The following SPAG9 variants were observed in gnomAD, a reference collection of about 807,000 sequenced individuals.
The protein encoded by SPAG9 is sperm associated antigen 9, also known as C-Jun-amino-terminal kinase-interacting protein 4.
A neutral mutation model predicts 166.5 loss-of-function variants in SPAG9; 35 were observed. The ratio of observed to expected loss-of-function variants is 0.21; its 90% CI spans 0.16 to 0.28. The LOEUF is 0.28. Ranked by LOEUF, SPAG9 falls within the 10% of genes least tolerant of loss-of-function variation. The pLI is 1.00. For missense variants in SPAG9, 1,235 were observed against 1,603.3 expected, an observed-to-expected ratio of 0.77 and a Z score of 3.92; for synonymous variants, 534 against 565.5, an observed-to-expected ratio of 0.94 and a Z score of 0.79.
Position 51,017,545 on chromosome 17 carries a change from A to G in SPAG9, c.1091+2614T>C, listed in dbSNP as rs527704149. On this transcript the variant is annotated intron_variant, in intron 8 of 29. Transcript: ENST00000262013. ...GAGAGAGAGAGAGAGAGAGAGAGAG[A>G]GAGAGACAGAGGGTTCTGGATTTGA... is the stretch of plus-strand genomic sequence containing the variant. 2.0e-4 allele frequency among the ~76,000 whole-genome samples: 30 copies of G among 151,842 alleles called. No homozygotes were observed. The South Asian group carries it at 5.6e-3, about 29-fold the overall frequency.
chr17:51,120,262 C>G lies in SPAG9; in HGVS notation c.303+92G>C, dbSNP rs1377079487. 4.3e-6 allele frequency: 5 copies of G among 1,153,844 alleles called. No homozygotes were observed. The highest frequency in any genetic ancestry group is 5.8e-6 in the Non-Finnish European group (5 of 861,042). 71.5% of individuals were successfully genotyped at this position (1,153,844 alleles called of 1,614,324 possible). A position where few individuals can be genotyped will look rare whatever the true frequency, so the allele number is the denominator to read the frequency against. On this transcript the variant is annotated intron_variant, in intron 1 of 29. Coordinates refer to ENST00000262013, the MANE Select transcript of SPAG9 (RefSeq NM_001130528.3). This position sits in a 1 kb window ranked among gnomAD's most constrained non-coding sequence, Gnocchi z 4.7. ...CCTCAGGCCCGCCCTCCAGGAGGCCCGTCGCGCCTCTAGTCCCCGACCGGG... is the reference window on the plus strand; with the variant it reads ...CCTCAGGCCCGCCCTCCAGGAGGCCGGTCGCGCCTCTAGTCCCCGACCGGG...
In SPAG9 at chr17:51,067,708, T is replaced by TA. The variant is rs59832869; in HGVS notation, c.425-11227dup. ...TTAAAATTGCTAATTTTCTGGGGAG[T>TA]AAAAAAAAAAAGGCAAATCATGTTA... On this transcript the variant is annotated intron_variant, in intron 2 of 29. Transcript: ENST00000262013. Among the ~76,000 whole-genome samples the TA allele has an allele frequency of 8.8e-3, 1,100 of 125,040 alleles. 7 individuals carry two copies. The highest frequency in any genetic ancestry group is 0.018 in the African/African-American group (589 of 33,598). 82.0% of individuals were successfully genotyped at this position (125,040 alleles called of 152,430 possible).
chr17:51,000,755 G>GAATAAATA (rs71149335), intron 13 of SPAG9, among the ~76,000 whole-genome samples: 5 of 89,314 alleles, frequency 5.6e-5, no homozygotes, highest in Admixed American at 4.4e-4. Context: ...ATAAATGAAT[G>GAATAAATA]AATAAATAAA....
At position 50,990,610 on chromosome 17, in the gene SPAG9, G is replaced by A. The variant is rs1239322281; in HGVS notation, c.2457C>T (p.Asp819=). ...TCATACTTCCACATAAAGATGCTTT[G>A]TCTACCTGACCAGATTCTGAAAGAT... is the stretch of plus-strand genomic sequence containing the variant. ...GEDLSESGQV[D]KASLCGSMTS... The change falls in exon 20 of 30, where the codon GAC becomes GAT. Residue 819 remains aspartate (D), a synonymous_variant. Transcript: ENST00000262013. 6.2e-7 allele frequency: 1 copy of A among 1,614,152 alleles called. No individual in the cohort carries two copies. Among genetic ancestry groups the A allele is most frequent in the South Asian group, 1.1e-5 (1 of 91,084 alleles).
chr17:51,060,674 G>A (rs2047485042), intron 2 of SPAG9, among the ~76,000 whole-genome samples: 1 of 151,894 alleles, frequency 6.6e-6, no homozygotes, highest in Non-Finnish European at 1.5e-5. Flanking sequence ...AAGCCAAGGA[G>A]AAAGGCCTCA....
chr17:51,109,969 C>A (rs1042511030), intron 1 of SPAG9, among the ~76,000 whole-genome samples: 8 of 151,870 alleles, frequency 5.3e-5, no homozygotes, highest in African/African-American at 1.9e-4. Context: ...ACCTCAGCCT[C>A]CCAAAGTGCT....
intron 18 of SPAG9, among the ~76,000 whole-genome samples, chr17:50,994,291 G>A (rs774407097): frequency 1.3e-5 from 2 of 152,170 alleles, no homozygotes; most frequent in Non-Finnish European, 2.9e-5. Flanking sequence ...CTGCCACCAT[G>A]TAAGAAGTGC....
At chr17:51,012,601 C>T (rs1040151492) in intron 9 of SPAG9, among the ~76,000 whole-genome samples, 6 of 151,786 alleles carry the variant, frequency 4.0e-5, no homozygotes, top group African/African-American at 1.5e-4. Context: ...CTTTCTTAGC[C>T]CTCCATGAGA....
rs558854553 is a variant in SPAG9 at position 50,970,246 on chromosome 17, G to A, written c.3850+461C>T. Among the ~76,000 whole-genome samples the A allele has an allele frequency of 2.3e-3, 349 of 152,208 alleles. 1 individual carries two copies. Among genetic ancestry groups the A allele is most frequent in the Non-Finnish European group, 4.3e-3 (289 of 67,992 alleles). On this transcript the variant is annotated intron_variant, in intron 29 of 29. Coordinates refer to ENST00000262013, the MANE Select transcript of SPAG9 (RefSeq NM_001130528.3). ...AAAAGAAATACCAAGGGCCGGGTGCGGTGGCTCGGGCTTGTAATCCCAGCT... is the reference window on the plus strand; with the variant it reads ...AAAAGAAATACCAAGGGCCGGGTGCAGTGGCTCGGGCTTGTAATCCCAGCT...
chr17:50,993,918 T>C lies in SPAG9; in HGVS notation c.2244A>G (p.Leu748=). 5 of 1,614,098 alleles carry C rather than the reference T, an allele frequency of 3.1e-6. No individual in the cohort carries two copies. Among genetic ancestry groups the C allele is most frequent in the Non-Finnish European group, 4.2e-6 (5 of 1,179,976 alleles). Residue 748 remains leucine (L), a synonymous_variant, in exon 19 of 30, where the codon TTA becomes TTG. Coordinates refer to ENST00000262013, the MANE Select transcript of SPAG9 (RefSeq NM_001130528.3). ...GACTGGATAATTCTTCTTGATTTTT[T>C]AACTCCTTCTGCTGTTCCTGTATAG... is the stretch of plus-strand genomic sequence containing the variant. The part of the protein sequence containing the change: ...DQELKEQQKE[L]KNQEELSSLV...
rs532061398 is a variant in SPAG9, at chr17:51,042,903, TTTTG to T, written c.591-1256_591-1253del. Reference sequence around the variant, plus strand: ...GAAGGCAGTACAATAAGAGGGTAGTTTTTGTTTGTTTGTGTCTTGCTGTGTTGCC... The same window carrying T: ...GAAGGCAGTACAATAAGAGGGTAGTTTTTGTTTGTGTCTTGCTGTGTTGCC... On this transcript the variant is annotated intron_variant, in intron 4 of 29. Transcript: ENST00000262013. Among the ~76,000 whole-genome samples, 51 of 152,220 alleles carry T rather than the reference TTTTG, an allele frequency of 3.4e-4. No homozygotes were observed. In the South Asian group the frequency reaches 9.5e-3, roughly 28 times the overall value.
intron 5 of SPAG9, among the ~76,000 whole-genome samples, chr17:51,038,823 T>C (rs953643213): frequency 6.6e-6 from 1 of 152,232 alleles, no homozygotes; most frequent in African/African-American, 2.4e-5. Flanking sequence ...TGAAGTTCTA[T>C]TATTTCATTT....
At chr17:50,998,370 C>A in intron 15 of SPAG9, 74 bp downstream of exon 15, 1 of 1,343,098 alleles carries the variant, frequency 7.4e-7, no homozygotes, top group Non-Finnish European at 1.0e-6. Context: ...ATCCTTAGAG[C>A]TGATAAGAGG....
intron 5 of SPAG9, among the ~76,000 whole-genome samples, chr17:51,034,294 C>T (rs563949254): frequency 1.3e-5 from 2 of 152,242 alleles, no homozygotes; most frequent in African/African-American, 4.8e-5. Context: ...TGGAAAAACC[C>T]AAACCAGAAG....
chr17:51,105,618 C>T lies in SPAG9; in HGVS notation c.303+14736G>A, dbSNP rs1050885813. 4.0e-5 allele frequency among the ~76,000 whole-genome samples: 6 copies of T among 150,928 alleles called. 1 individual carries two copies. The highest frequency in any genetic ancestry group is 7.4e-5 in the Non-Finnish European group (5 of 67,674). ...GGGCGCAGTGGCTCAAGCCTGTAAT[C>T]CCAGCACTTTGGGAGGCGAGGTGGG... On this transcript the variant is annotated intron_variant, in intron 1 of 29. Coordinates refer to ENST00000262013, the MANE Select transcript of SPAG9 (RefSeq NM_001130528.3).
intron 1 of SPAG9, among the ~76,000 whole-genome samples, chr17:51,107,735 A>T (rs1341153726): frequency 2.2e-5 from 3 of 135,030 alleles, no homozygotes; most frequent in Admixed American, 8.0e-5. Context: ...ACTCCATCAA[A>T]AAAAAGGTTA....
intron 2 of SPAG9, among the ~76,000 whole-genome samples, chr17:51,076,933 C>T (rs185563739): frequency 4.0e-5 from 6 of 151,712 alleles, no homozygotes; most frequent in African/African-American, 9.7e-5. Context: ...CCCAGAAGTG[C>T]GAGACCAGCC....
chr17:51,106,574 G>A (rs1230250413), intron 1 of SPAG9, among the ~76,000 whole-genome samples: 1 of 151,800 alleles, frequency 6.6e-6, no homozygotes, highest in East Asian at 1.9e-4. Context: ...AGGGAGGTGG[G>A]TCACTCAAGG....
rs1973940133 is a variant in SPAG9, at chr17:50,972,965, CAAG to C, written c.3700+1803_3700+1805del. Among the ~76,000 whole-genome samples, 3 of 152,244 alleles carry C rather than the reference CAAG, an allele frequency of 2.0e-5. 1 individual carries two copies. Among genetic ancestry groups the C allele is most frequent in the South Asian group, 4.1e-4 (2 of 4,822 alleles). The stretch of plus-strand genomic sequence containing the variant: ...AACAAAAAATCCTTACACATGCACA[CAAG>C]AAGGTCTGCTTCAGTATTGTTTTTA... On this transcript the variant is annotated intron_variant, in intron 28 of 29. Coordinates refer to ENST00000262013, the MANE Select transcript of SPAG9 (RefSeq NM_001130528.3).
Sources: gnomAD v4.1 joint callset for allele counts (sites outside exome capture counted in the v4.1 genomes callset) on GRCh38, gnomAD v4.1.1 for gene constraint, Gnocchi (gnomAD v3.1) non-coding constraint, MANE v1.5 for transcripts, NCBI Gene and HGNC (gene_info 2026-07-23, HGNC 2026-07-21) for gene names.